ATRNL1: variants seen among roughly 807,000 people sequenced by gnomAD.
ATRNL1 encodes attractin like 1.
ATRNL1 carries 95 observed loss-of-function variants against 182.7 expected under a neutral mutation model. The ratio of observed to expected loss-of-function variants is 0.52; its 90% CI spans 0.44 to 0.62. The LOEUF (loss-of-function observed/expected upper bound fraction) is 0.62. Among genes scored for constraint, ATRNL1 ranks in the 20% least tolerant of loss-of-function variants. The pLI is 0.00. For missense variants in ATRNL1, 1,471 were observed against 1,679.5 expected (o/e 0.88, Z 2.17); for synonymous variants, 576 against 568.3 (o/e 1.01, Z -0.19).
intron 27 of ATRNL1, among the ~76,000 whole-genome samples, chr10:115,768,230 A>T (rs559522845): frequency 6.6e-6 from 1 of 152,226 alleles, no homozygotes; most frequent in African/African-American, 2.4e-5. Flanking sequence ...ATATGTTGCT[A>T]ATTATGAGAA....
intron 27 of ATRNL1, among the ~76,000 whole-genome samples, chr10:115,817,657 T>C (rs1268065676): frequency 6.6e-6 from 1 of 152,064 alleles, no homozygotes; most frequent in African/African-American, 2.4e-5. Flanking sequence ...CCTTTTTGTT[T>C]CACTAGTAAA....
At chr10:115,291,051 G>A (rs1852878622) in intron 15 of ATRNL1, among the ~76,000 whole-genome samples, 1 of 152,174 alleles carries the variant, frequency 6.6e-6, no homozygotes, top group African/African-American at 2.4e-5. Context: ...GCATTCACCG[G>A]TGTAAGCTTC....
intron 25 of ATRNL1, among the ~76,000 whole-genome samples, chr10:115,536,596 C>T (rs989036511): frequency 8.5e-5 from 13 of 152,334 alleles, no homozygotes; most frequent in African/African-American, 3.1e-4. Flanking sequence ...TGCTTCGGCT[C>T]TCGCACGGTG....
rs1364194942 is a variant in ATRNL1 at position 115,354,482 on chromosome 10, T to C, written c.3175+20063T>C. On this transcript the variant is annotated intron_variant, in intron 19 of 28. Transcript: ENST00000355044. Reference sequence around the variant, plus strand: ...TGCAGTATTCTAGGTTGGAAGTTTTTTCCCTTTAGCACTTTTAATATGCTA... The same window carrying C: ...TGCAGTATTCTAGGTTGGAAGTTTTCTCCCTTTAGCACTTTTAATATGCTA... 3.9e-5 allele frequency among the ~76,000 whole-genome samples: 6 copies of C among 152,198 alleles called. No homozygotes were observed. The East Asian group carries it at 1.2e-3, about 29-fold the overall frequency.
At chr10:115,391,220 G>A (rs1554954231) in intron 19 of ATRNL1, among the ~76,000 whole-genome samples, 1 of 152,150 alleles carries the variant, frequency 6.6e-6, no homozygotes, top group Non-Finnish European at 1.5e-5. Flanking sequence ...TGGTAAAGGT[G>A]GACATCCTTG....
rs558387191 is a variant in ATRNL1 at position 115,804,718 on chromosome 10, A to G, written c.3904-43159A>G. On this transcript the variant is annotated intron_variant, in intron 27 of 28. Transcript: ENST00000355044. ...AAGGATCCTTAAAATAAAAACCAAG[A>G]CTTTCAGTGGGTTGTAACATCACGT... 1.7e-4 allele frequency among the ~76,000 whole-genome samples: 26 copies of G among 152,188 alleles called. No individual in the cohort carries two copies. In the South Asian group the frequency reaches 5.2e-3, roughly 30 times the overall value.
chr10:115,648,017 T>C (rs1859743024), intron 26 of ATRNL1, among the ~76,000 whole-genome samples: 2 of 152,202 alleles, frequency 1.3e-5, no homozygotes, highest in African/African-American at 4.8e-5. Flanking sequence ...TACATATGGC[T>C]AGCCAGTTTT....
At chr10:115,784,317 G>T (rs559907254) in intron 27 of ATRNL1, among the ~76,000 whole-genome samples, 1 of 152,146 alleles carries the variant, frequency 6.6e-6, no homozygotes, top group African/African-American at 2.4e-5. Context: ...ATCCATAAAC[G>T]ATTGTGGGGG....
chr10:115,110,734 A>C (rs782048224), intron 1 of ATRNL1, among the ~76,000 whole-genome samples: 22 of 152,248 alleles, frequency 1.4e-4, no homozygotes, highest in Non-Finnish European at 2.9e-4. Context: ...CTGAATTTCA[A>C]TGATACTGAG....
Position 115,510,089 on chromosome 10 carries a change from C to T in ATRNL1, c.3655-9174C>T, listed in dbSNP as rs3897865. ...ATTATAAGTGGAGTTTGGAGATGTACGGAATTGCTGCAATGTAATGATAAA... is the reference window on the plus strand; with the variant it reads ...ATTATAAGTGGAGTTTGGAGATGTATGGAATTGCTGCAATGTAATGATAAA... On this transcript the variant is annotated intron_variant, in intron 24 of 28. Coordinates refer to ENST00000355044, the MANE Select transcript of ATRNL1 (RefSeq NM_207303.4). Among the ~76,000 whole-genome samples the T allele has an allele frequency of 4.2e-3, 632 of 152,006 alleles. 2 individuals carry two copies. The highest frequency in any genetic ancestry group is 0.013 in the African/African-American group (542 of 41,490).
intron 26 of ATRNL1, among the ~76,000 whole-genome samples, chr10:115,670,761 G>T (rs971255034): frequency 3.9e-5 from 6 of 152,212 alleles, no homozygotes; most frequent in Admixed American, 6.6e-5. Flanking sequence ...AGTGCCCTGT[G>T]TTTCAGTGAG....
At chr10:115,165,318 C>A (rs1164267469) in intron 6 of ATRNL1, among the ~76,000 whole-genome samples, 1 of 151,746 alleles carries the variant, frequency 6.6e-6, no homozygotes, top group Non-Finnish European at 1.5e-5. Flanking sequence ...TAATAAATAT[C>A]CTAATCAAGT....
At chr10:115,941,166 T>G (rs2134623254) in intron 28 of ATRNL1, among the ~76,000 whole-genome samples, 1 of 152,332 alleles carries the variant, frequency 6.6e-6, no homozygotes, top group South Asian at 2.1e-4. Context: ...CATTGCCATT[T>G]ATGCAGATCT....
intron 27 of ATRNL1, among the ~76,000 whole-genome samples, chr10:115,754,995 C>A (rs1218844130): frequency 2.0e-5 from 3 of 152,132 alleles, no homozygotes; most frequent in African/African-American, 7.2e-5. Context: ...TATAGGAATG[C>A]TTCTAATTTT....
intron 19 of ATRNL1, among the ~76,000 whole-genome samples, chr10:115,348,845 G>T (rs1554940479): frequency 6.6e-6 from 1 of 151,968 alleles, no homozygotes; most frequent in African/African-American, 2.4e-5. Flanking sequence ...TATAATAGTT[G>T]TACATATTTA....
chr10:115,149,823 GT>G (rs1846136206), intron 5 of ATRNL1, among the ~76,000 whole-genome samples: 1 of 146,850 alleles, frequency 6.8e-6, no homozygotes, highest in Non-Finnish European at 1.5e-5. Context: ...TGGGTTTGGT[GT>G]TAGGTTAATC....
intron 26 of ATRNL1, among the ~76,000 whole-genome samples, chr10:115,687,325 T>A (rs534874018): frequency 3.7e-4 from 57 of 152,212 alleles, no homozygotes; most frequent in South Asian, 6.2e-4. Context: ...TTCTATGAGT[T>A]TGGCCATTTT....
At chr10:115,772,597 C>CTG (rs57939999) in intron 27 of ATRNL1, among the ~76,000 whole-genome samples, 2,092 of 140,378 alleles carry the variant, frequency 0.015, 14 homozygotes, top group South Asian at 0.05. Flanking sequence ...TATACTCTGT[C>CTG]TGTGTGTGTG....
At chr10:115,498,735 A>G (rs1486624808) in intron 24 of ATRNL1, among the ~76,000 whole-genome samples, 1 of 151,852 alleles carries the variant, frequency 6.6e-6, no homozygotes. Flanking sequence ...TGTTTCCTTA[A>G]CTATTAATGT....
Sources: gnomAD v4.1 joint callset for allele counts (sites outside exome capture counted in the v4.1 genomes callset) on GRCh38, gnomAD v4.1.1 for gene constraint, MANE v1.5 for transcripts, NCBI Gene and HGNC (gene_info 2026-07-23, HGNC 2026-07-21) for gene names.